The following TMEM71 variants were observed in gnomAD, a reference collection of about 807,000 sequenced individuals.
TMEM71 encodes transmembrane protein 71.
TMEM71 carries 44 observed loss-of-function variants against 38.0 expected under a neutral mutation model. That is an observed-to-expected ratio of 1.16 (90% confidence interval 0.91 to 1.49). The LOEUF (loss-of-function observed/expected upper bound fraction) is 1.49. TMEM71 is among the 40% of genes most tolerant of loss of function. The pLI is 0.00. For missense variants in TMEM71, 367 were observed against 348.6 expected (o/e 1.05, Z -0.42); for synonymous variants, 133 against 122.5 (o/e 1.09, Z -0.56).
chr8:132,755,579 G>A (rs1828958132), intron 3 of TMEM71, among the ~76,000 whole-genome samples: 1 of 152,154 alleles, frequency 6.6e-6, no homozygotes, highest in Non-Finnish European at 1.5e-5. Flanking sequence ...ACTGGTTGGT[G>A]AAAGGACAAA....
rs375864950 is a variant in TMEM71 at position 132,730,614 on chromosome 8, G to A, written c.488-2628C>T. Among the ~76,000 whole-genome samples, 78 of 152,156 alleles carry A rather than the reference G, an allele frequency of 5.1e-4. 1 individual carries two copies. The South Asian group carries it at 0.015, about 30-fold the overall frequency. On this transcript the variant is annotated intron_variant, in intron 5 of 9. Transcript: ENST00000677595. ...AATTGTCCTAATTTATTTTACCTTG[G>A]GGAAACTCTGAAGACCTGTAAAATT... is the stretch of plus-strand genomic sequence containing the variant.
intron 6 of TMEM71, among the ~76,000 whole-genome samples, chr8:132,723,024 A>T (rs1275000118): frequency 6.6e-6 from 1 of 152,206 alleles, no homozygotes; most frequent in Admixed American, 6.5e-5. Flanking sequence ...GTTGTTTAAA[A>T]CTTGGAATGA....
At chr8:132,753,547 G>A (rs929178506) in intron 3 of TMEM71, among the ~76,000 whole-genome samples, 12 of 151,954 alleles carry the variant, frequency 7.9e-5, no homozygotes, top group African/African-American at 2.2e-4. Flanking sequence ...ACATTGTCCC[G>A]TCTCTGCATG....
At chr8:132,753,860 T>C (rs1000379709) in intron 3 of TMEM71, among the ~76,000 whole-genome samples, 2 of 152,138 alleles carry the variant, frequency 1.3e-5, no homozygotes, top group African/African-American at 4.8e-5. Context: ...AATGTTCACT[T>C]CCTCCCTTCT....
chr8:132,747,900 A>G (rs1380777104), intron 4 of TMEM71, among the ~76,000 whole-genome samples: 1 of 152,222 alleles, frequency 6.6e-6, no homozygotes, highest in African/African-American at 2.4e-5. Flanking sequence ...AAGCATGGCT[A>G]CAGGGAACAG....
At chr8:132,737,238 G>T (rs1443039597) in intron 5 of TMEM71, among the ~76,000 whole-genome samples, 2 of 152,164 alleles carry the variant, frequency 1.3e-5, no homozygotes, top group Non-Finnish European at 2.9e-5. Context: ...CGTTAAGTTG[G>T]TAGATTTTAA....
intron 1 of TMEM71, among the ~76,000 whole-genome samples, chr8:132,759,815 A>T (rs1334974540): frequency 6.6e-6 from 1 of 152,228 alleles, no homozygotes; most frequent in Non-Finnish European, 1.5e-5. Context: ...TCAATAAATT[A>T]TATATAAACC....
At chr8:132,716,040 G>C (rs1190867244) in intron 7 of TMEM71, among the ~76,000 whole-genome samples, 1 of 152,160 alleles carries the variant, frequency 6.6e-6, no homozygotes, top group Admixed American at 6.5e-5. Flanking sequence ...AGAGCCCGAG[G>C]GAGCCGAGAA....
chr8:132,715,901 T>C (rs1203458850), intron 7 of TMEM71, among the ~76,000 whole-genome samples: 4 of 152,164 alleles, frequency 2.6e-5, no homozygotes, highest in African/African-American at 9.7e-5. Context: ...AACAAGAAAT[T>C]AAGGGAAGAC....
downstream of TMEM71, among the ~76,000 whole-genome samples, chr8:132,708,269 G>A (rs2114043): frequency 6.6e-6 from 1 of 152,166 alleles, no homozygotes; most frequent in Non-Finnish European, 1.5e-5. Context: ...TCACTAGTCA[G>A]GTCCTGTGCA....
intron 5 of TMEM71, among the ~76,000 whole-genome samples, chr8:132,731,333 A>G (rs1224895172): frequency 5.9e-5 from 9 of 152,164 alleles, no homozygotes; most frequent in Admixed American, 5.9e-4. Flanking sequence ...TGAGTCATCA[A>G]ACGATGTTTC....
At chr8:132,763,815 G>A (rs1296483943), upstream of TMEM71, among the ~76,000 whole-genome samples, 3 of 152,196 alleles carry the variant, frequency 2.0e-5, no homozygotes, top group Admixed American at 6.5e-5. Context: ...CAGCTCCCAC[G>A]TAAAGCCAAA....
chr8:132,770,431 G>A, the TMEM71 span, among the ~76,000 whole-genome samples: 1 of 152,142 alleles, frequency 6.6e-6, no homozygotes, highest in Non-Finnish European at 1.5e-5. Flanking sequence ...CCCAGTTTAA[G>A]CCGAATCAGT....
chr8:132,737,660 G>A (rs971443175), intron 5 of TMEM71, among the ~76,000 whole-genome samples: 40 of 152,172 alleles, frequency 2.6e-4, no homozygotes, highest in African/African-American at 9.2e-4. Flanking sequence ...ATAACTCAGA[G>A]GCTTTGCAGA....
chr8:132,708,540 G>T (rs753739732), downstream of TMEM71, among the ~76,000 whole-genome samples: 4 of 152,142 alleles, frequency 2.6e-5, no homozygotes, highest in Non-Finnish European at 5.9e-5. Context: ...CTTTAACTGC[G>T]TCCTCTGCAA....
At position 132,727,880 on chromosome 8, in the gene TMEM71, A is replaced by G; in HGVS notation, c.594T>C (p.Pro198=). The G allele has an allele frequency of 6.2e-7, 1 of 1,614,190 alleles. No homozygotes were observed. Among genetic ancestry groups the G allele is most frequent in the Admixed American group, 1.7e-5 (1 of 60,012 alleles). The part of the protein sequence containing the change: ...SSSSHIISQP[P]GGNSHSLSLQ... ...GAGACAAGCTATGGGAGTTTCCTCC[A>G]GGAGGCTGAGATATGATGTGGCTGG... is the stretch of plus-strand genomic sequence containing the variant. The change falls in exon 6 of 10, where the codon CCT becomes CCC. Residue 198 remains proline (P), a synonymous_variant. Coordinates refer to ENST00000677595, the MANE Select transcript of TMEM71 (RefSeq NM_001382403.1).
intron 5 of TMEM71, among the ~76,000 whole-genome samples, chr8:132,742,050 T>C (rs56729085): frequency 0.014 from 2,171 of 152,312 alleles, 63 homozygotes; most frequent in African/African-American, 0.05. Flanking sequence ...GCTCGCACTC[T>C]TGTCTTCTGG....
At chr8:132,743,363 C>T (rs1460918690) in intron 5 of TMEM71, among the ~76,000 whole-genome samples, 1 of 152,134 alleles carries the variant, frequency 6.6e-6, no homozygotes, top group African/African-American at 2.4e-5. Flanking sequence ...ACTCCACTAC[C>T]AGTCACCCCC....
intron 6 of TMEM71, among the ~76,000 whole-genome samples, chr8:132,726,964 T>C (rs1827178290): frequency 6.6e-6 from 1 of 151,534 alleles, no homozygotes; most frequent in South Asian, 2.1e-4. Context: ...CAAGTGACTC[T>C]CCCTGTCTCA....
Sources: gnomAD v4.1 joint callset for allele counts (sites outside exome capture counted in the v4.1 genomes callset) on GRCh38, gnomAD v4.1.1 for gene constraint, MANE v1.5 for transcripts, NCBI Gene and HGNC (gene_info 2026-07-23, HGNC 2026-07-21) for gene names.